EFS: variants seen among roughly 807,000 people sequenced by gnomAD.
EFS encodes embryonal Fyn-associated substrate, also known as Cas scaffolding protein family member 3.
In EFS, 34 loss-of-function variants were observed where a neutral mutation model predicts 42.2. That is an observed-to-expected ratio of 0.81 (90% CI 0.61 to 1.07). The LOEUF (loss-of-function observed/expected upper bound fraction) is 1.07, where lower values mean the gene tolerates loss of function less well. Ranked by LOEUF, EFS falls within the 50% of genes least tolerant of loss-of-function variation. The pLI is 0.00. For synonymous variants in EFS, 299 were observed against 320.7 expected, an observed-to-expected ratio of 0.93 and a Z score of 0.72; for missense variants, 717 against 729.4, an observed-to-expected ratio of 0.98 and a Z score of 0.20.
chr14:23,359,907 G>A lies in EFS; in HGVS notation c.571C>T (p.Pro191Ser). 6.5e-7 allele frequency: 1 copy of A among 1,539,128 alleles called. No individual in the cohort carries two copies. The highest frequency in any genetic ancestry group is 8.7e-7 in the Non-Finnish European group (1 of 1,144,690). The change falls in exon 4 of 6, where the codon CCT (proline) becomes TCT (serine). Residue 191 changes from proline (P) to serine (S), a missense_variant. Pro to Ser is a moderately conservative substitution (Grantham distance 74, BLOSUM62 -1). Coordinates refer to ENST00000216733, the MANE Select transcript of EFS (RefSeq NM_005864.4). Reference protein sequence around the residue: ...PGEDDAPYDVPLTPKPPAELE... With the variant: ...PGEDDAPYDVSLTPKPPAELE... ...TCTGCAGGTGGCTTTGGGGTCAGAG[G>A]CACATCATAGGGAGCATCATCCTCT...
intron 5 of EFS, among the ~76,000 whole-genome samples, 173 bp from the exon 6 acceptor site, chr14:23,357,833 A>G (rs1889980227): frequency 6.6e-6 from 1 of 152,212 alleles, no homozygotes; most frequent in Non-Finnish European, 1.5e-5. Context: ...CACACTTGAT[A>G]TCAGATAGAT....
At chr14:23,362,146 A>G (rs1383775701) in intron 1 of EFS, among the ~76,000 whole-genome samples, 2 of 152,362 alleles carry the variant, frequency 1.3e-5, no homozygotes, top group East Asian at 3.9e-4. Context: ...CTCTTGCTCC[A>G]TGATGTCATT....
At position 23,357,617 on chromosome 14, in the gene EFS, T is replaced by C. The variant is rs1889970878; in HGVS notation, c.1295A>G (p.Asp432Gly). ...AGCATAGAAGTACAGGAGCTGCAGA[T>C]CTCCGGTGGACACAACCAGTGGCTC... is the stretch of plus-strand genomic sequence containing the variant. ...PGEPLVVSTG[D>G]LQLLYFYAGQ... is the part of the protein sequence containing the mutation. Residue 432 changes from aspartate to glycine, a missense_variant, in exon 6 of 6, where the codon GAT becomes GGT. Physicochemically the swap from Asp to Gly is moderately conservative, Grantham distance 94 (BLOSUM62 -1). Coordinates refer to ENST00000216733, the MANE Select transcript of EFS (RefSeq NM_005864.4). 6.4e-7 allele frequency: 1 copy of C among 1,563,932 alleles called. No homozygotes were observed. Among genetic ancestry groups the C allele is most frequent in the Non-Finnish European group, 8.7e-7 (1 of 1,148,108 alleles).
rs770095379 is a variant in EFS, at chr14:23,359,481, G to A, written c.997C>T (p.Gln333Ter). ...SPAPGRKGSI[Q>*]DRPLPPPPPR... The stretch of plus-strand genomic sequence containing the variant: ...GGGGGTGGGGGCAGAGGCCGGTCCT[G>A]GATGCTGCCCTTCCGGCCTGGGGCA... Residue 333 changes from glutamine (Q) to a stop codon, truncating the protein, a stop_gained, in exon 4 of 6, where the codon CAG becomes TAG. Coordinates refer to ENST00000216733, the MANE Select transcript of EFS (RefSeq NM_005864.4). LOFTEE classifies it high-confidence loss of function. The A allele has an allele frequency of 2.5e-6, 4 of 1,590,056 alleles. No homozygotes were observed. The East Asian group carries it at 9.0e-5, about 36-fold the overall frequency.
Position 23,359,499 on chromosome 14 carries a change from C to T in EFS, c.979G>A (p.Gly327Ser), listed in dbSNP as rs1890045798. 1 of 1,527,228 alleles carries T rather than the reference C, an allele frequency of 6.5e-7. No homozygotes were observed. The highest frequency in any genetic ancestry group is 8.8e-7 in the Non-Finnish European group (1 of 1,139,276). The allele number at this position is 1,527,228 out of a possible 1,614,324, so 94.6% of individuals were successfully genotyped here. ...SPSPVPSPAP[G>S]RKGSIQDRPL... is the part of the protein sequence containing the mutation. The stretch of plus-strand genomic sequence containing the variant: ...CGGTCCTGGATGCTGCCCTTCCGGC[C>T]TGGGGCAGGAGAGGGCACTGGGGAG... Residue 327 changes from glycine (G) to serine (S), a missense_variant, in exon 4 of 6, where the codon GGC becomes AGC. Gly to Ser is a moderately conservative substitution (Grantham distance 56). Transcript: ENST00000216733.
intron 1 of EFS, among the ~76,000 whole-genome samples, chr14:23,362,339 AT>A (rs773642879): frequency 4.6e-5 from 7 of 152,204 alleles, no homozygotes; most frequent in Non-Finnish European, 1.0e-4. Context: ...CAGCAAAAAA[AT>A]CTCAAAGTTA....
rs200734043 is a variant in EFS at position 23,360,801 on chromosome 14, G to A, written c.51C>T (p.Thr17=). The change falls in exon 2 of 6, where the codon ACC becomes ACT. Residue 17 remains threonine (T), a synonymous_variant. Transcript: ENST00000216733. ...AGGACAGCTCCTGGGGGGACTCAGC[G>A]GTGTTGTCATACAGTGCCCGGGCCA... ...TQLARALYDN[T]AESPQELSFR... 32 of 1,613,406 alleles carry A rather than the reference G, an allele frequency of 2.0e-5. No individual in the cohort carries two copies. The highest frequency in any genetic ancestry group is 2.7e-5 in the African/African-American group (2 of 75,036).
At chr14:23,364,904 G>A (rs1890270755) in intron 1 of EFS, 104 bp downstream of exon 1, 20 of 1,070,720 alleles carry the variant, frequency 1.9e-5, no homozygotes, top group East Asian at 9.7e-5. Context: ...GAGAAGAAAG[G>A]GACCAAGGAG....
intron 1 of EFS, among the ~76,000 whole-genome samples, chr14:23,363,627 T>C (rs1890225746): frequency 6.6e-6 from 1 of 152,056 alleles, no homozygotes; most frequent in African/African-American, 2.4e-5. Flanking sequence ...TGGCCATCGT[T>C]ACAGATTGAG....
chr14:23,357,088 T>C lies in EFS; in HGVS notation c.*138A>G. ...GGGGAGAAGACACCTCTGTGAGAGG[T>C]TGAGATGAGCAGAAAGGGCAGGAAA... On this transcript the variant is annotated 3_prime_UTR_variant, in exon 6 of 6. Coordinates refer to ENST00000216733, the MANE Select transcript of EFS (RefSeq NM_005864.4). 1 of 751,090 alleles carries C rather than the reference T, an allele frequency of 1.3e-6. No homozygotes were observed. 46.5% of individuals were successfully genotyped at this position (751,090 alleles called of 1,614,324 possible). A position where few individuals can be genotyped will look rare whatever the true frequency, so the allele number is the denominator to read the frequency against.
intron 1 of EFS, among the ~76,000 whole-genome samples, chr14:23,364,046 C>T (rs546298822): frequency 2.0e-5 from 3 of 152,232 alleles, no homozygotes; most frequent in East Asian, 1.9e-4. Context: ...AGTCTCTCTC[C>T]GAGAGTCCCC....
chr14:23,360,813 C>T lies in EFS; in HGVS notation c.39G>A (p.Leu13=). 1 of 1,612,312 alleles carries T rather than the reference C, an allele frequency of 6.2e-7. No individual in the cohort carries two copies. The highest frequency in any genetic ancestry group is 1.3e-5 in the African/African-American group (1 of 75,024). The change falls in exon 2 of 6, where the codon CTG becomes CTA. Residue 13 remains leucine (L), a synonymous_variant. Transcript: ENST00000216733. ...IATSTQLARA[L]YDNTAESPQE... ...GGGGGGACTCAGCGGTGTTGTCATA[C>T]AGTGCCCGGGCCAGCTGGGTCTGGT... is the stretch of plus-strand genomic sequence containing the variant.
chr14:23,361,823 A>G (rs1890164084), intron 1 of EFS, among the ~76,000 whole-genome samples: 1 of 152,238 alleles, frequency 6.6e-6, no homozygotes, highest in Admixed American at 6.5e-5. Flanking sequence ...TAATTCTCAC[A>G]ACAACCTTAC....
rs770863700 is a variant in EFS at position 23,357,645 on chromosome 14, C to G, written c.1267G>C (p.Gly423Arg). 1 of 1,537,926 alleles carries G rather than the reference C, an allele frequency of 6.5e-7. No homozygotes were observed. The highest frequency in any genetic ancestry group is 1.4e-5 in the African/African-American group (1 of 73,310). ...CCGGTGGACACAACCAGTGGCTCCC[C>G]TGGGGACAGGGCCTCCTGAAGGGCA... is the stretch of plus-strand genomic sequence containing the variant. ...MPAPQEALSP[G>R]EPLVVSTGDL... The change falls in exon 6 of 6, where the codon GGG becomes CGG. Residue 423 changes from glycine (G) to arginine (R), a missense_variant. Physicochemically the swap from Gly to Arg is moderately radical, Grantham distance 125. Transcript: ENST00000216733.
intron 5 of EFS, among the ~76,000 whole-genome samples, chr14:23,358,372 A>C (rs116490711): frequency 6.6e-6 from 1 of 152,362 alleles, no homozygotes; most frequent in South Asian, 2.1e-4. Flanking sequence ...TGCCTAGCAC[A>C]GGGTCTGGCA....
intron 1 of EFS, 65 bp from the exon 2 acceptor site, chr14:23,360,898 C>T (rs1890132243): frequency 6.8e-7 from 1 of 1,472,392 alleles, no homozygotes; most frequent in African/African-American, 1.4e-5. Context: ...GTCACCCCTG[C>T]TTAGAACCCT....
chr14:23,362,875 G>A (rs1595029736), intron 1 of EFS, among the ~76,000 whole-genome samples: 1 of 151,630 alleles, frequency 6.6e-6, no homozygotes, highest in Non-Finnish European at 1.5e-5. Flanking sequence ...TTACCGTTGC[G>A]ACCCACTGCT....
Position 23,365,079 on chromosome 14 carries a change from C to A in EFS, c.-54G>T. On this transcript the variant is annotated 5_prime_UTR_variant, in exon 1 of 6. The change abolishes the stop of an existing upstream ORF in the 5' untranslated region. Transcript: ENST00000216733. The surrounding 1 kb of genome is among the most constrained non-coding windows in gnomAD (Gnocchi z 5.3). ...AGGCCAGGCTCGGTTTTGCTGACTT[C>A]AGCGGTGGCTGCCCCGCACCATGGT... 7.9e-7 allele frequency: 1 copy of A among 1,270,006 alleles called. No individual in the cohort carries two copies. 78.7% of individuals were successfully genotyped at this position (1,270,006 alleles called of 1,614,324 possible).
chr14:23,357,128 C>T lies in EFS; in HGVS notation c.*98G>A. ...AGGGCAGGAAAGGGGAAAGATACCC[C>T]CATTTCTCCTAGTCCCTTAACAAAG... On this transcript the variant is annotated 3_prime_UTR_variant, in exon 6 of 6. Coordinates refer to ENST00000216733, the MANE Select transcript of EFS (RefSeq NM_005864.4). 2 of 1,168,532 alleles carry T rather than the reference C, an allele frequency of 1.7e-6. No individual in the cohort carries two copies. Among genetic ancestry groups the T allele is most frequent in the Non-Finnish European group, 2.3e-6 (2 of 855,354 alleles). The allele number at this position is 1,168,532 out of a possible 1,614,324, so 72.4% of individuals were successfully genotyped here. A position where few individuals can be genotyped will look rare whatever the true frequency, so the allele number is the denominator to read the frequency against.
Sources: allele counts gnomAD v4.1 joint callset (sites outside exome capture counted in the v4.1 genomes callset), GRCh38; gene constraint gnomAD v4.1.1; non-coding constraint Gnocchi (gnomAD v3.1); transcripts MANE v1.5; gene names NCBI Gene and HGNC (gene_info 2026-07-23, HGNC 2026-07-21).